Variants in TPP2 observed in about 807,000 individuals in gnomAD.
The protein encoded by TPP2 is tripeptidyl peptidase 2.
A neutral mutation model predicts 155.9 loss-of-function variants in TPP2; 34 were observed. The observed-to-expected ratio is 0.22, with a 90% confidence interval of 0.17 to 0.29. TPP2 has a LOEUF of 0.29. Ranked by LOEUF, TPP2 falls within the 10% of genes least tolerant of loss-of-function variation. The pLI, the probability that TPP2 is intolerant of heterozygous loss-of-function variation, is 1.00. For synonymous variants in TPP2, 510 were observed against 529.4 expected, an observed-to-expected ratio of 0.96 and a Z score of 0.50; for missense variants, 1,028 against 1,522.3, an observed-to-expected ratio of 0.68 and a Z score of 5.40.
intron 2 of TPP2, among the ~76,000 whole-genome samples, chr13:102,607,029 CTCTAGAGCAAGCTCTT>C (rs1453380567): frequency 6.6e-6 from 1 of 152,138 alleles, no homozygotes; most frequent in Non-Finnish European, 1.5e-5. Flanking sequence ...AGAGAGCTCT[CTCTAGAGCAAGCTCTT>C]TCTAGGGCAT....
rs948880013 is a variant in TPP2, at chr13:102,643,510, A to G, written c.2175+134A>G. On this transcript the variant is annotated intron_variant, in intron 17 of 29. Coordinates refer to ENST00000376052, the MANE Select transcript of TPP2 (RefSeq NM_001330588.2). ...GATTATATATTTTTTTAATGCCAAA[A>G]AAATGAAGTAGAAAAATAGAAAATC... 4.4e-6 allele frequency: 4 copies of G among 910,542 alleles called. No homozygotes were observed. In the African/African-American group the frequency reaches 7.0e-5, roughly 16 times the overall value. 56.4% of individuals were successfully genotyped at this position (910,542 alleles called of 1,614,324 possible).
chr13:102,638,435 G>C, intron 15 of TPP2, 120 bp downstream of exon 15: 1 of 1,081,744 alleles, frequency 9.2e-7, no homozygotes, highest in African/African-American at 1.6e-5. Context: ...TTTTGTCTTA[G>C]TTCTGCTCCC....
intron 24 of TPP2, among the ~76,000 whole-genome samples, chr13:102,653,086 G>C (rs975009941): frequency 6.6e-6 from 1 of 152,158 alleles, no homozygotes; most frequent in South Asian, 2.1e-4. Context: ...GAATAGGAAG[G>C]CATTTACTTG....
At chr13:102,655,735 CA>C (rs1335798164) in intron 24 of TPP2, among the ~76,000 whole-genome samples, 6 of 152,304 alleles carry the variant, frequency 3.9e-5, no homozygotes, top group African/African-American at 1.4e-4. Flanking sequence ...TGTCCCCTGA[CA>C]CTGTTCTTGT....
Position 102,674,305 on chromosome 13 carries a change from A to G in TPP2, c.3394A>G (p.Thr1132Ala), listed in dbSNP as rs1332908116. 6.2e-7 allele frequency: 1 copy of G among 1,613,606 alleles called. No homozygotes were observed. The change falls in exon 28 of 30, where the codon ACC becomes GCC. Residue 1132 changes from threonine to alanine, a missense_variant. Around this residue, in one of 7 missense-constraint regions of TPP2, gnomAD observed 116 missense variants for 117.3 expected, o/e 0.99. Coordinates refer to ENST00000376052, the MANE Select transcript of TPP2 (RefSeq NM_001330588.2). ...CAGTGACATGGACAAACAAAAATCCACCCTCGTAGATGCCCTTTGTAGGAA... is the reference window on the plus strand; with the variant it reads ...CAGTGACATGGACAAACAAAAATCCGCCCTCGTAGATGCCCTTTGTAGGAA... ...IKNDMDKQKSTLVDALCRKGC... is the reference protein window; with the variant it reads ...IKNDMDKQKSALVDALCRKGC...
chr13:102,633,171 A>G (rs758434962), intron 10 of TPP2, among the ~76,000 whole-genome samples: 15 of 152,166 alleles, frequency 9.9e-5, no homozygotes, highest in Non-Finnish European at 1.5e-4. Flanking sequence ...TACTTGGGGC[A>G]GAGGACAGAG....
chr13:102,600,741 C>T (rs1288287283), intron 1 of TPP2, among the ~76,000 whole-genome samples: 1 of 152,076 alleles, frequency 6.6e-6, no homozygotes, highest in Non-Finnish European at 1.5e-5. Flanking sequence ...GAGGAGGTTA[C>T]GAGTAGTTTC....
chr13:102,606,636 C>A (rs1422347010), intron 2 of TPP2, among the ~76,000 whole-genome samples: 1 of 152,178 alleles, frequency 6.6e-6, no homozygotes, highest in Admixed American at 6.5e-5. Context: ...AGAATCATGT[C>A]ACTTTTGATT....
intron 16 of TPP2, among the ~76,000 whole-genome samples, chr13:102,640,691 G>A (rs565366270): frequency 9.6e-5 from 11 of 114,300 alleles, no homozygotes; most frequent in African/African-American, 1.8e-4. Flanking sequence ...TCACTCTGTC[G>A]CCAGGCTGGA....
In TPP2 at chr13:102,657,818, A is replaced by C. The variant is rs561699714; in HGVS notation, c.3143+611A>C. Among the ~76,000 whole-genome samples the C allele has an allele frequency of 2.3e-3, 354 of 152,304 alleles. 2 individuals carry two copies. Among genetic ancestry groups the C allele is most frequent in the Non-Finnish European group, 1.7e-3 (116 of 68,010 alleles). On this transcript the variant is annotated intron_variant, in intron 25 of 29. Transcript: ENST00000376052. ...AAAAATCGTCTCGCTGTGTTTTGCC[A>C]AATTGCTTTCTGAGATGAGTATAAT...
chr13:102,645,053 T>TG (rs1401454227), intron 19 of TPP2, 44 bp downstream of exon 19: 5 of 1,570,574 alleles, frequency 3.2e-6, no homozygotes, highest in Admixed American at 3.5e-5. Context: ...GAATATAGAT[T>TG]GGGGGGATCT....
chr13:102,642,698 G>A (rs548705151), intron 16 of TPP2, among the ~76,000 whole-genome samples: 5 of 152,230 alleles, frequency 3.3e-5, no homozygotes, highest in South Asian at 2.1e-4. Context: ...TACCTCCAGC[G>A]CTGGCTCAGA....
intron 2 of TPP2, among the ~76,000 whole-genome samples, chr13:102,612,572 G>A (rs2139434055): frequency 6.6e-6 from 1 of 152,144 alleles, no homozygotes; most frequent in South Asian, 2.1e-4. Context: ...TTTCATAATT[G>A]CCTCATAAAG....
rs755636388 is a variant in TPP2, at chr13:102,643,489, A to C, written c.2175+113A>C. The C allele has an allele frequency of 1.6e-5, 18 of 1,123,538 alleles. No homozygotes were observed. In the East Asian group the frequency reaches 5.6e-4, roughly 35 times the overall value. 69.6% of individuals were successfully genotyped at this position (1,123,538 alleles called of 1,614,324 possible). A position where few individuals can be genotyped will look rare whatever the true frequency, so the allele number is the denominator to read the frequency against. On this transcript the variant is annotated intron_variant, in intron 17 of 29. Transcript: ENST00000376052. ...AGTTTGTATTTAGCATGTTGGGATT[A>C]TATATTTTTTTAATGCCAAAAAAAT...
At chr13:102,627,206 T>C (rs1881685416) in intron 7 of TPP2, 40 bp downstream of exon 7, 2 of 1,513,414 alleles carry the variant, frequency 1.3e-6, no homozygotes, top group Non-Finnish European at 1.8e-6. Flanking sequence ...GATTAATGAT[T>C]AATGATCTTG....
intron 2 of TPP2, among the ~76,000 whole-genome samples, chr13:102,613,308 G>A (rs1880460008): frequency 6.6e-6 from 1 of 152,156 alleles, no homozygotes; most frequent in Non-Finnish European, 1.5e-5. Flanking sequence ...AAGGACATGG[G>A]GATGAGTTAA....
intron 10 of TPP2, among the ~76,000 whole-genome samples, chr13:102,633,072 G>A (rs974703974): frequency 6.6e-6 from 1 of 152,214 alleles, no homozygotes; most frequent in Admixed American, 6.5e-5. Flanking sequence ...TTGGGAGATG[G>A]TATAAGGAGA....
intron 3 of TPP2, 130 bp from the exon 4 acceptor site, chr13:102,616,266 T>G: frequency 1.0e-5 from 7 of 702,182 alleles, no homozygotes; most frequent in Non-Finnish European, 1.6e-5. Flanking sequence ...CAAAAATGAT[T>G]TTTTAAAACC....
rs182526144 is a variant in TPP2 at position 102,619,074 on chromosome 13, C to T, written c.620+228C>T. ...CTTTTATCTGATTTAAATAAACTTA[C>T]TTCATTAATAATTTATTAGTATGTT... On this transcript the variant is annotated intron_variant, in intron 5 of 29. Transcript: ENST00000376052. Among the ~76,000 whole-genome samples, 187 of 152,210 alleles carry T rather than the reference C, an allele frequency of 1.2e-3. 1 individual carries two copies. Among genetic ancestry groups the T allele is most frequent in the African/African-American group, 4.2e-3 (174 of 41,524 alleles).
Sources: allele counts gnomAD v4.1 joint callset (sites outside exome capture counted in the v4.1 genomes callset), GRCh38; gene constraint gnomAD v4.1.1; regional missense constraint gnomAD v4.1.1; transcripts MANE v1.5; gene names NCBI Gene and HGNC (gene_info 2026-07-23, HGNC 2026-07-21).